ELMO1: variants seen among roughly 807,000 people sequenced by gnomAD.
The protein encoded by ELMO1 is engulfment and cell motility 1, also known as engulfment and cell motility protein 1.
In ELMO1, 26 loss-of-function variants were observed where a neutral mutation model predicts 98.9. The ratio of observed to expected loss-of-function variants is 0.26; its 90% confidence interval spans 0.19 to 0.36. The LOEUF (loss-of-function observed/expected upper bound fraction) is 0.36, where lower values mean the gene tolerates loss of function less well. Among genes scored for constraint, ELMO1 ranks in the 10% least tolerant of loss-of-function variants. The pLI is 1.00. For synonymous variants in ELMO1, 346 were observed against 346.0 expected, an observed-to-expected ratio of 1.00 and a Z score of 0.00; for missense variants, 627 against 935.2, an observed-to-expected ratio of 0.67 and a Z score of 4.30.
intron 2 of ELMO1, among the ~76,000 whole-genome samples, chr7:37,338,034 A>T (rs1800517745): frequency 6.6e-6 from 1 of 152,206 alleles, no homozygotes; most frequent in Non-Finnish European, 1.5e-5. Flanking sequence ...AAAGAATGAG[A>T]ACAGAGGGCA....
At chr7:37,310,735 T>C (rs1583517493) in intron 4 of ELMO1, among the ~76,000 whole-genome samples, 1 of 151,826 alleles carries the variant, frequency 6.6e-6, no homozygotes, top group Admixed American at 6.6e-5. Flanking sequence ...GTACAGAGGG[T>C]TTCTCAGAGA....
intron 17 of ELMO1, among the ~76,000 whole-genome samples, chr7:36,891,092 C>G (rs1370506377): frequency 6.6e-6 from 1 of 152,340 alleles, no homozygotes; most frequent in East Asian, 1.9e-4. Context: ...TCTAACCAAC[C>G]TATTTAAAAC....
intron 13 of ELMO1, among the ~76,000 whole-genome samples, chr7:37,144,779 T>C (rs1787876012): frequency 6.6e-6 from 1 of 152,160 alleles, no homozygotes; most frequent in Non-Finnish European, 1.5e-5. Context: ...AGTTATTTTG[T>C]AGTGAGCACC....
chr7:37,331,055 A>T (rs1266635420), intron 2 of ELMO1, among the ~76,000 whole-genome samples: 1 of 134,556 alleles, frequency 7.4e-6, no homozygotes, highest in African/African-American at 2.8e-5. Context: ...CAGTACACTG[A>T]ACAGTGCACA....
intron 13 of ELMO1, among the ~76,000 whole-genome samples, chr7:37,159,109 A>T (rs1264955490): frequency 6.6e-6 from 1 of 152,184 alleles, no homozygotes; most frequent in African/African-American, 2.4e-5. Context: ...AACAATGAGA[A>T]CACATGCACA....
chr7:37,327,095 T>C (rs931477082), intron 2 of ELMO1, among the ~76,000 whole-genome samples: 3 of 152,234 alleles, frequency 2.0e-5, no homozygotes, highest in African/African-American at 7.2e-5. Context: ...TCCCATATTG[T>C]CTTCAAACTT....
Position 36,854,495 on chromosome 7 carries a change from C to T in ELMO1, c.*1056G>A, listed in dbSNP as rs1460112135. The T allele has an allele frequency of 6.8e-6, 1 of 147,806 alleles. No individual in the cohort carries two copies. The highest frequency in any genetic ancestry group is 1.5e-5 in the Non-Finnish European group (1 of 67,478). The allele number at this position is 147,806 out of a possible 1,614,324, so 9.2% of individuals were successfully genotyped here. Reference sequence around the variant, plus strand: ...TCTCTTCTTTTCATTAAATATATATCTGTTTGGCAAAAAATGTTAGACTCT... The same window carrying T: ...TCTCTTCTTTTCATTAAATATATATTTGTTTGGCAAAAAATGTTAGACTCT... On this transcript the variant is annotated 3_prime_UTR_variant, in exon 22 of 22. Transcript: ENST00000310758.
chr7:36,876,852 C>T (rs1356846669), intron 19 of ELMO1, among the ~76,000 whole-genome samples: 1 of 152,156 alleles, frequency 6.6e-6, no homozygotes, highest in Non-Finnish European at 1.5e-5. Flanking sequence ...TTCTATAACC[C>T]CTGACTTAGG....
At chr7:37,338,497 A>G (rs969259943) in intron 2 of ELMO1, among the ~76,000 whole-genome samples, 3 of 152,124 alleles carry the variant, frequency 2.0e-5, no homozygotes, top group African/African-American at 7.2e-5. Flanking sequence ...TGAACAATAA[A>G]TTTCTGTTGT....
At chr7:37,319,497 A>G (rs10249209) in intron 2 of ELMO1, among the ~76,000 whole-genome samples, 35,380 of 151,956 alleles carry the variant, frequency 0.23, 5,015 homozygotes, top group African/African-American at 0.4. Context: ...CCCCAATCTC[A>G]TCACCCTTAA....
chr7:37,313,161 C>G (rs982557856), intron 4 of ELMO1, among the ~76,000 whole-genome samples: 19 of 152,134 alleles, frequency 1.2e-4, no homozygotes, highest in African/African-American at 4.6e-4. Context: ...TCAAAGGAAT[C>G]AAAGGTAAAC....
At chr7:37,036,135 A>C (rs1453320164) in intron 15 of ELMO1, among the ~76,000 whole-genome samples, 1 of 152,084 alleles carries the variant, frequency 6.6e-6, no homozygotes. Flanking sequence ...AATTTTTTGG[A>C]TATTTCTAGG....
At chr7:37,349,919 G>A (rs10279336) in intron 1 of ELMO1, among the ~76,000 whole-genome samples, 83,302 of 152,056 alleles carry the variant, frequency 0.55, 22,959 homozygotes, top group East Asian at 0.68. Context: ...TCTAGGTCAA[G>A]GAATACATGA....
chr7:37,330,915 T>C (rs942182045), intron 2 of ELMO1, among the ~76,000 whole-genome samples: 1 of 152,182 alleles, frequency 6.6e-6, no homozygotes, highest in Non-Finnish European at 1.5e-5. Context: ...CATACCATGA[T>C]AGTTGATCTG....
At chr7:36,868,630 G>A (rs946912808) in intron 20 of ELMO1, among the ~76,000 whole-genome samples, 1 of 152,148 alleles carries the variant, frequency 6.6e-6, no homozygotes, top group Non-Finnish European at 1.5e-5. Context: ...TTACAGGCGC[G>A]AGCCACCACA....
rs141269949 is a variant in ELMO1 at position 36,923,267 on chromosome 7, T to C, written c.1438-28250A>G. Among the ~76,000 whole-genome samples, 503 of 152,354 alleles carry C rather than the reference T, an allele frequency of 3.3e-3. 3 individuals carry two copies. Among genetic ancestry groups the C allele is most frequent in the Non-Finnish European group, 5.8e-3 (394 of 68,026 alleles). On this transcript the variant is annotated intron_variant, in intron 16 of 21. Transcript: ENST00000310758. ...ACACAACCTTATAGAACTAATGGGT[T>C]TGTTAGCATAACAATGAGTGAAATT...
intron 1 of ELMO1, among the ~76,000 whole-genome samples, chr7:37,431,793 A>T (rs1804941485): frequency 6.6e-6 from 1 of 152,244 alleles, no homozygotes; most frequent in African/African-American, 2.4e-5. Flanking sequence ...CTAATTTCAG[A>T]ATACTCAAAA....
intron 4 of ELMO1, among the ~76,000 whole-genome samples, chr7:37,313,258 T>C (rs1253953359): frequency 6.6e-6 from 1 of 152,190 alleles, no homozygotes; most frequent in East Asian, 1.9e-4. Flanking sequence ...GGAGTCTCGC[T>C]CTGTCGCTCA....
At chr7:37,346,659 A>T (rs1324197105) in intron 1 of ELMO1, among the ~76,000 whole-genome samples, 2 of 152,236 alleles carry the variant, frequency 1.3e-5, no homozygotes, top group African/African-American at 4.8e-5. Flanking sequence ...GCAGGCTCTA[A>T]TGTGCAAACA....
Sources: allele counts gnomAD v4.1 joint callset (sites outside exome capture counted in the v4.1 genomes callset), GRCh38; gene constraint gnomAD v4.1.1; transcripts MANE v1.5; gene names NCBI Gene and HGNC (gene_info 2026-07-23, HGNC 2026-07-21).